Variants in TOP2B observed in about 807,000 individuals in gnomAD.
The protein encoded by TOP2B is DNA topoisomerase II beta.
In TOP2B, 51 loss-of-function variants were observed where a neutral mutation model predicts 193.5. The ratio of observed to expected loss-of-function variants is 0.26; its 90% CI spans 0.21 to 0.33. TOP2B has a LOEUF of 0.33. TOP2B is among the 10% of genes least tolerant of loss of function. The pLI, the probability that TOP2B is intolerant of heterozygous loss-of-function variation, is 1.00. For synonymous variants in TOP2B, 634 were observed against 635.7 expected, an observed-to-expected ratio of 1.00 and a Z score of 0.04; for missense variants, 1,378 against 1,909.3, an observed-to-expected ratio of 0.72 and a Z score of 5.19.
chr3:25,644,782 C>T (rs1703367168), intron 2 of TOP2B, among the ~76,000 whole-genome samples: 1 of 151,586 alleles, frequency 6.6e-6, no homozygotes, highest in African/African-American at 2.4e-5. Context: ...TTACTCTATA[C>T]TTCATTTTTC....
chr3:25,639,297 T>C (rs1703191400), intron 4 of TOP2B, among the ~76,000 whole-genome samples: 1 of 152,200 alleles, frequency 6.6e-6, no homozygotes, highest in South Asian at 2.1e-4. Flanking sequence ...CTGGTTAATA[T>C]GCTTTCCACG....
intron 1 of TOP2B, among the ~76,000 whole-genome samples, chr3:25,659,519 G>A (rs1703848644): frequency 2.0e-5 from 3 of 152,194 alleles, no homozygotes; most frequent in Admixed American, 6.5e-5. Context: ...GTATCTCCAT[G>A]AAATAGACAC....
chr3:25,629,172 ATGT>A (rs768704318), intron 13 of TOP2B, 27 bp from the exon 14 acceptor site: 2 of 1,449,970 alleles, frequency 1.4e-6, no homozygotes, highest in Non-Finnish European at 1.9e-6. Context: ...AAAGTAAAAA[ATGT>A]TGTAATACTT....
At position 25,630,591 on chromosome 3, in the gene TOP2B, T is replaced by C. The variant is rs1702927100; in HGVS notation, c.1406-122A>G. On this transcript the variant is annotated intron_variant, in intron 11 of 35. Coordinates refer to ENST00000264331, the MANE Select transcript of TOP2B (RefSeq NM_001330700.2). ...GAAAGACTATAAAAGTTATTTTACA[T>C]TATTGCTCAGTATAAATATTAAGTA... is the stretch of plus-strand genomic sequence containing the variant. The C allele has an allele frequency of 7.8e-6, 7 of 895,822 alleles. No homozygotes were observed. The South Asian group carries it at 1.4e-4, about 18-fold the overall frequency. 55.5% of individuals were successfully genotyped at this position (895,822 alleles called of 1,614,324 possible).
intron 1 of TOP2B, among the ~76,000 whole-genome samples, chr3:25,661,781 T>G (rs1440854133): frequency 2.0e-5 from 3 of 152,146 alleles, no homozygotes; most frequent in African/African-American, 7.2e-5. Flanking sequence ...GAAAGGCAAA[T>G]TTTCATGCAA....
chr3:25,637,894 C>T (rs1383862322), intron 5 of TOP2B, among the ~76,000 whole-genome samples: 2 of 151,936 alleles, frequency 1.3e-5, no homozygotes, highest in Non-Finnish European at 2.9e-5. Context: ...TATACATAGA[C>T]ATCATACCAG....
At chr3:25,634,778 C>CAAAA (rs34755793) in intron 7 of TOP2B, among the ~76,000 whole-genome samples, 15 of 26,458 alleles carry the variant, frequency 5.7e-4, no homozygotes, top group Non-Finnish European at 5.0e-4. Context: ...TCTCCCTTAC[C>CAAAA]AAAAAAAAAA....
At chr3:25,636,960 C>T (rs936920001) in intron 6 of TOP2B, among the ~76,000 whole-genome samples, 1 of 151,932 alleles carries the variant, frequency 6.6e-6, no homozygotes, top group African/African-American at 2.4e-5. Context: ...GACATTTTCA[C>T]TAATACTTAA....
intron 33 of TOP2B, 103 bp downstream of exon 33, chr3:25,604,657 G>A (rs1406751552): frequency 1.0e-6 from 1 of 961,024 alleles, no homozygotes; most frequent in Non-Finnish European, 1.6e-6. Flanking sequence ...CTTCTTAATT[G>A]TTTTATGATA....
rs976782924 is a variant in TOP2B at position 25,664,371 on chromosome 3, G to A, written c.-74C>T. ...GCCTCCCTGCGGGCCGCTGGGCCCC[G>A]CCGCTCCGCACCCACCGCTCCACTC... On this transcript the variant is annotated 5_prime_UTR_variant, in exon 1 of 36. Transcript: ENST00000264331. The A allele has an allele frequency of 3.8e-5, 52 of 1,378,910 alleles. No homozygotes were observed. The highest frequency in any genetic ancestry group is 4.5e-5 in the Non-Finnish European group (49 of 1,078,296). The allele number at this position is 1,378,910 out of a possible 1,614,324, so 85.4% of individuals were successfully genotyped here.
chr3:25,638,363 G>C (rs1352302261), intron 4 of TOP2B, 53 bp from the exon 5 acceptor site: 12 of 1,259,206 alleles, frequency 9.5e-6, no homozygotes, highest in Admixed American at 5.0e-5. Context: ...GCAGAATTTA[G>C]AGCTTAAAAT....
chr3:25,640,718 TAC>T (rs1392988101), intron 4 of TOP2B, among the ~76,000 whole-genome samples: 2 of 151,220 alleles, frequency 1.3e-5, no homozygotes, highest in Non-Finnish European at 3.0e-5. Context: ...TTATCCAGTC[TAC>T]AGAGTTGTCT....
At chr3:25,613,869 T>C (rs991575041) in intron 27 of TOP2B, among the ~76,000 whole-genome samples, 1 of 152,174 alleles carries the variant, frequency 6.6e-6, no homozygotes, top group Non-Finnish European at 1.5e-5. Context: ...ATATAATTCC[T>C]AAGAAAGTGA....
At position 25,664,265 on chromosome 3, in the gene TOP2B, G is replaced by A; in HGVS notation, c.33C>T (p.Ala11=). 2.0e-6 allele frequency: 3 copies of A among 1,536,546 alleles called. No individual in the cohort carries two copies. Among genetic ancestry groups the A allele is most frequent in the South Asian group, 1.2e-5 (1 of 83,926 alleles). MAKSGGCGAG[A]GVGGGNGALT... Reference sequence around the variant, plus strand: ...GTGCCCCGTTGCCGCCGCCCACGCCGGCTCCCGCGCCGCAGCCACCCGACT... The same window carrying A: ...GTGCCCCGTTGCCGCCGCCCACGCCAGCTCCCGCGCCGCAGCCACCCGACT... Residue 11 remains alanine (A), a synonymous_variant, in exon 1 of 36, where the codon GCC becomes GCT. Coordinates refer to ENST00000264331, the MANE Select transcript of TOP2B (RefSeq NM_001330700.2).
At chr3:25,622,803 G>C (rs1702693657) in intron 21 of TOP2B, among the ~76,000 whole-genome samples, 1 of 152,064 alleles carries the variant, frequency 6.6e-6, no homozygotes, top group African/African-American at 2.4e-5. Flanking sequence ...AGCACACCCG[G>C]CTAATTTTTG....
At chr3:25,617,200 C>A (rs549215241) in intron 25 of TOP2B, among the ~76,000 whole-genome samples, 48 of 152,076 alleles carry the variant, frequency 3.2e-4, no homozygotes, top group African/African-American at 1.1e-3. Context: ...ATTAAAAATT[C>A]ATCAGCTTAC....
intron 1 of TOP2B, among the ~76,000 whole-genome samples, chr3:25,646,738 C>T (rs922809313): frequency 2.6e-5 from 4 of 152,134 alleles, no homozygotes; most frequent in South Asian, 2.1e-4. Flanking sequence ...ATTTCAATTC[C>T]GCTTTAAAGT....
At chr3:25,640,346 A>C (rs532535793) in intron 4 of TOP2B, among the ~76,000 whole-genome samples, 160 of 152,182 alleles carry the variant, frequency 1.1e-3, no homozygotes, top group Non-Finnish European at 1.8e-3. Context: ...CAATTTTTTC[A>C]TCAATGATTT....
chr3:25,656,365 G>C (rs779245467), intron 1 of TOP2B, among the ~76,000 whole-genome samples: 1 of 152,122 alleles, frequency 6.6e-6, no homozygotes, highest in Non-Finnish European at 1.5e-5. Context: ...TCTGGAGTCT[G>C]AGACCGGAGG....
Sources: allele counts gnomAD v4.1 joint callset (sites outside exome capture counted in the v4.1 genomes callset), GRCh38; gene constraint gnomAD v4.1.1; transcripts MANE v1.5; gene names NCBI Gene and HGNC (gene_info 2026-07-23, HGNC 2026-07-21).